The following GLRA1 variants were observed in gnomAD, a reference collection of about 807,000 sequenced individuals.
GLRA1 encodes the protein glycine receptor alpha 1.
GLRA1 carries 37 observed loss-of-function variants against 48.3 expected under a neutral mutation model. That is an observed-to-expected ratio of 0.77 (90% CI 0.59 to 1.01). The LOEUF (loss-of-function observed/expected upper bound fraction) is 1.01. Among genes scored for constraint, GLRA1 ranks in the 50% least tolerant of loss-of-function variants. The probability of loss-of-function intolerance (pLI) is 0.00; values close to 1 mark genes in which losing one functional copy is unlikely to be tolerated. For missense variants in GLRA1, 427 were observed against 571.0 expected (o/e 0.75, Z 2.57); for synonymous variants, 196 against 210.7 (o/e 0.93, Z 0.60).
chr5:151,880,507 T>C (rs1233604576), intron 3 of GLRA1, among the ~76,000 whole-genome samples: 1 of 152,234 alleles, frequency 6.6e-6, no homozygotes, highest in African/African-American at 2.4e-5. Context: ...TGTGCCAAGC[T>C]AGCCTGCCCC....
chr5:151,881,333 T>G (rs565959454), intron 3 of GLRA1, among the ~76,000 whole-genome samples: 3 of 151,404 alleles, frequency 2.0e-5, no homozygotes, highest in Non-Finnish European at 4.4e-5. Context: ...TTTTTTTTTT[T>G]TTTTGAGACA....
chr5:151,891,702 A>G (rs1754074181), intron 2 of GLRA1, among the ~76,000 whole-genome samples: 1 of 152,286 alleles, frequency 6.6e-6, no homozygotes, highest in South Asian at 2.1e-4. Context: ...TCTGATTTAG[A>G]CCAAAATTTT....
chr5:151,862,276 T>C (rs960981625), intron 3 of GLRA1, among the ~76,000 whole-genome samples: 4 of 152,146 alleles, frequency 2.6e-5, no homozygotes, highest in Non-Finnish European at 5.9e-5. Flanking sequence ...ATACAAAAAT[T>C]AATTCAAGAT....
chr5:151,879,558 C>T (rs1753710939), intron 3 of GLRA1, among the ~76,000 whole-genome samples: 1 of 152,090 alleles, frequency 6.6e-6, no homozygotes, highest in Admixed American at 6.5e-5. Context: ...ACCATATTGG[C>T]TAGCCTGGTC....
chr5:151,827,449 C>G (rs1481490259), intron 8 of GLRA1, among the ~76,000 whole-genome samples: 2 of 152,172 alleles, frequency 1.3e-5, no homozygotes, highest in African/African-American at 4.8e-5. Flanking sequence ...TATATGTAAT[C>G]ATTTTAATCC....
intron 7 of GLRA1, among the ~76,000 whole-genome samples, chr5:151,835,854 T>C (rs899205381): frequency 6.6e-6 from 1 of 152,170 alleles, no homozygotes; most frequent in African/African-American, 2.4e-5. Flanking sequence ...GCCAGTATCA[T>C]ATAGAATGAG....
intron 7 of GLRA1, among the ~76,000 whole-genome samples, chr5:151,842,636 A>G (rs1259089126): frequency 6.6e-6 from 1 of 152,228 alleles, no homozygotes; most frequent in Non-Finnish European, 1.5e-5. Context: ...ACCCACAGCT[A>G]ACCTCAGTTT....
At position 151,924,474 on chromosome 5, in the gene GLRA1, G is replaced by A; in HGVS notation, c.56+20C>T. On this transcript the variant is annotated intron_variant, in intron 1 of 8. Coordinates refer to ENST00000274576, the MANE Select transcript of GLRA1 (RefSeq NM_000171.4). Reference sequence around the variant, plus strand: ...CCCCCATTTCCATCAGAGCGATGTGGTCAGTAGAAAATTGCATACCTGAAG... The same window carrying A: ...CCCCCATTTCCATCAGAGCGATGTGATCAGTAGAAAATTGCATACCTGAAG... The A allele has an allele frequency of 6.9e-7, 1 of 1,444,142 alleles. No homozygotes were observed. The highest frequency in any genetic ancestry group is 9.8e-7 in the Non-Finnish European group (1 of 1,024,816). The allele number at this position is 1,444,142 out of a possible 1,614,324, so 89.5% of individuals were successfully genotyped here.
At chr5:151,829,183 C>T (rs373074109) in intron 7 of GLRA1, 116 bp from the exon 8 acceptor site, 3 of 971,954 alleles carry the variant, frequency 3.1e-6, no homozygotes, top group Admixed American at 1.9e-5. Flanking sequence ...CTGCTGTCTG[C>T]TTCTCAGCTG....
At chr5:151,911,444 T>C (rs1754604892) in intron 1 of GLRA1, among the ~76,000 whole-genome samples, 1 of 152,146 alleles carries the variant, frequency 6.6e-6, no homozygotes, top group Admixed American at 6.5e-5. Context: ...TTAATACTTA[T>C]GATAATCTGT....
intron 1 of GLRA1, among the ~76,000 whole-genome samples, chr5:151,901,922 C>A (rs1010241452): frequency 6.6e-6 from 1 of 152,152 alleles, no homozygotes; most frequent in Non-Finnish European, 1.5e-5. Flanking sequence ...GTGGTAGCCC[C>A]ATGAGACAAC....
At chr5:151,844,828 G>T (rs1752627392) in intron 7 of GLRA1, among the ~76,000 whole-genome samples, 1 of 151,716 alleles carries the variant, frequency 6.6e-6, no homozygotes, top group South Asian at 2.1e-4. Flanking sequence ...AATTTATAAA[G>T]AAAAAATGGT....
At chr5:151,865,723 G>C (rs1383278297) in intron 3 of GLRA1, among the ~76,000 whole-genome samples, 1 of 152,086 alleles carries the variant, frequency 6.6e-6, no homozygotes, top group Non-Finnish European at 1.5e-5. Context: ...CCATCTCTTT[G>C]TATTTCATAA....
Position 151,822,799 on chromosome 5 carries a change from G to A in GLRA1, c.1224C>T (p.Phe408=), listed in dbSNP as rs62636580. Residue 408 remains phenylalanine, a synonymous_variant, in exon 9 of 9, where the codon TTC becomes TTT. Transcript: ENST00000274576. ...SKSPEEMRKL[F]IQRAKKIDKI... ...TGTCGATCTTCTTGGCCCTCTGGAT[G>A]AAGAGTTTTCGCATCTCCTCTGGGG... The A allele has an allele frequency of 4.4e-3, 7,102 of 1,614,090 alleles. 272 individuals carry two copies. The African/African-American group carries it at 0.083, about 19-fold the overall frequency.
intron 3 of GLRA1, among the ~76,000 whole-genome samples, chr5:151,861,438 A>T (rs1753201484): frequency 6.6e-6 from 1 of 152,194 alleles, no homozygotes; most frequent in South Asian, 2.1e-4. Context: ...GTGAGATGGT[A>T]TCTCATTGTG....
intron 3 of GLRA1, among the ~76,000 whole-genome samples, chr5:151,878,531 G>C (rs930172069): frequency 6.6e-6 from 1 of 152,164 alleles, no homozygotes; most frequent in African/African-American, 2.4e-5. Context: ...GCATGTCAGA[G>C]GTCTTCACAG....
intron 8 of GLRA1, among the ~76,000 whole-genome samples, chr5:151,828,130 ATTAAGT>A (rs1325214350): frequency 6.6e-6 from 1 of 152,178 alleles, no homozygotes; most frequent in African/African-American, 2.4e-5. Context: ...AAGTTTAGAA[ATTAAGT>A]TCAAGTAGAA....
intron 1 of GLRA1, 67 bp downstream of exon 1, chr5:151,924,427 G>A (rs1018856518): frequency 2.1e-6 from 2 of 968,002 alleles, no homozygotes; most frequent in Middle Eastern, 2.1e-4. Context: ...ACCACGGACA[G>A]AGGTAGCCTC....
chr5:151,861,715 A>G (rs1270847205), intron 3 of GLRA1, among the ~76,000 whole-genome samples: 1 of 152,140 alleles, frequency 6.6e-6, no homozygotes, highest in Admixed American at 6.5e-5. Flanking sequence ...TAGGAATCCA[A>G]CTTACAAGGG....
Sources: gnomAD v4.1 joint callset for allele counts (sites outside exome capture counted in the v4.1 genomes callset) on GRCh38, gnomAD v4.1.1 for gene constraint, MANE v1.5 for transcripts, NCBI Gene and HGNC (gene_info 2026-07-23, HGNC 2026-07-21) for gene names.